Variants in CHST9 observed in about 807,000 individuals in gnomAD.
CHST9 encodes carbohydrate sulfotransferase 9, also known as GalNAc-4-sulfotransferase 2.
A neutral mutation model predicts 44.4 loss-of-function variants in CHST9; 41 were observed. The ratio of observed to expected loss-of-function variants is 0.92; its 90% CI spans 0.72 to 1.20. CHST9 has a LOEUF of 1.20. Among genes scored for constraint, CHST9 ranks in the 50% most tolerant of loss-of-function variants. The pLI is 0.00. For synonymous variants in CHST9, 171 were observed against 178.4 expected (o/e 0.96, Z 0.33); for missense variants, 504 against 516.5 (o/e 0.98, Z 0.23).
intron 4 of CHST9, among the ~76,000 whole-genome samples, chr18:27,008,125 C>G (rs1043557755): frequency 1.3e-5 from 2 of 152,082 alleles, no homozygotes; most frequent in African/African-American, 4.8e-5. Flanking sequence ...GTCCACTCCT[C>G]CCTTGTAACA....
At chr18:26,992,672 T>C (rs1414870036) in intron 4 of CHST9, among the ~76,000 whole-genome samples, 3 of 152,172 alleles carry the variant, frequency 2.0e-5, no homozygotes, top group South Asian at 2.1e-4. Context: ...TCAGACCTTA[T>C]ATTTGGTATT....
chr18:27,048,346 A>G (rs1047925542), intron 3 of CHST9, 119 bp downstream of exon 3: 6 of 695,204 alleles, frequency 8.6e-6, no homozygotes, highest in Non-Finnish European at 1.4e-5. Context: ...AATATCGATC[A>G]GTTCAAAAAC....
At chr18:27,173,268 G>C (rs188377851) in intron 1 of CHST9, among the ~76,000 whole-genome samples, 2 of 152,114 alleles carry the variant, frequency 1.3e-5, no homozygotes, top group African/African-American at 4.8e-5. Flanking sequence ...AGCACTAACA[G>C]TGCTTGCCAG....
intron 5 of CHST9, among the ~76,000 whole-genome samples, chr18:26,920,954 G>A (rs2055640298): frequency 6.6e-6 from 1 of 152,120 alleles, no homozygotes; most frequent in Non-Finnish European, 1.5e-5. Flanking sequence ...AGGCCTTACT[G>A]CAGACATCCT....
intron 4 of CHST9, among the ~76,000 whole-genome samples, chr18:26,983,976 C>T (rs2056724237): frequency 6.6e-6 from 1 of 152,204 alleles, no homozygotes; most frequent in Non-Finnish European, 1.5e-5. Context: ...CCCCTCTTCA[C>T]TCCCACATTC....
At chr18:26,927,150 C>T (rs147701142) in intron 5 of CHST9, among the ~76,000 whole-genome samples, 249 of 152,276 alleles carry the variant, frequency 1.6e-3, no homozygotes, top group African/African-American at 5.8e-3. Context: ...AGTTCTTCTT[C>T]TTGTTCTCTG....
At chr18:27,137,223 T>C (rs2058521137) in intron 2 of CHST9, among the ~76,000 whole-genome samples, 1 of 151,136 alleles carries the variant, frequency 6.6e-6, no homozygotes, top group Non-Finnish European at 1.5e-5. Context: ...ATTTATTATT[T>C]ATTAATTATA....
chr18:27,181,321 G>T (rs754624737), intron 1 of CHST9, among the ~76,000 whole-genome samples: 2 of 152,164 alleles, frequency 1.3e-5, no homozygotes, highest in East Asian at 1.9e-4. Context: ...AACCCATTTT[G>T]CCCTAGAGCT....
At chr18:27,044,066 C>CA (rs138736090) in intron 3 of CHST9, among the ~76,000 whole-genome samples, 6 of 151,672 alleles carry the variant, frequency 4.0e-5, no homozygotes, top group Non-Finnish European at 5.9e-5. Context: ...CCCTTCCCCC[C>CA]CCTTTATTTT....
rs141847978 is a variant in CHST9 at position 27,136,371 on chromosome 18, C to T, written c.121+6318G>A. ...AGGAATGTGGTGTGGTCTGGAAGCA[C>T]GGAGTGTCATTCTGCACCTGGAGTG... On this transcript the variant is annotated intron_variant, in intron 2 of 5. Coordinates refer to ENST00000618847, the MANE Select transcript of CHST9 (RefSeq NM_031422.6). 1.2e-3 allele frequency among the ~76,000 whole-genome samples: 187 copies of T among 152,266 alleles called. 1 individual carries two copies. Among genetic ancestry groups the T allele is most frequent in the Middle Eastern group, 3.4e-3 (1 of 294 alleles).
At chr18:27,126,471 A>G (rs779383836) in intron 2 of CHST9, among the ~76,000 whole-genome samples, 1 of 152,156 alleles carries the variant, frequency 6.6e-6, no homozygotes, top group Non-Finnish European at 1.5e-5. Flanking sequence ...AATAGAGAGC[A>G]CAAGGGAGAG....
At chr18:27,137,755 G>A (rs1326173786) in intron 2 of CHST9, among the ~76,000 whole-genome samples, 2 of 152,194 alleles carry the variant, frequency 1.3e-5, no homozygotes, top group Admixed American at 6.5e-5. Flanking sequence ...TGTCGTTAGA[G>A]GGTCTCAAAG....
At chr18:27,073,490 A>G (rs1382352889) in intron 2 of CHST9, among the ~76,000 whole-genome samples, 1 of 151,898 alleles carries the variant, frequency 6.6e-6, no homozygotes, top group Non-Finnish European at 1.5e-5. Context: ...GTAAAACACT[A>G]TGTGACACAC....
intron 2 of CHST9, among the ~76,000 whole-genome samples, chr18:27,133,388 G>C (rs2058488175): frequency 6.6e-6 from 1 of 152,128 alleles, no homozygotes; most frequent in East Asian, 1.9e-4. Context: ...TTCACTTCTG[G>C]GGTATCGGGC....
chr18:27,131,464 T>C (rs530798831), intron 2 of CHST9, among the ~76,000 whole-genome samples: 1 of 152,294 alleles, frequency 6.6e-6, no homozygotes, highest in East Asian at 1.9e-4. Context: ...GGCAGGAGAA[T>C]TGCTTGAACC....
chr18:26,919,378 G>C (rs2055603165), intron 5 of CHST9, among the ~76,000 whole-genome samples: 1 of 152,170 alleles, frequency 6.6e-6, no homozygotes, highest in African/African-American at 2.4e-5. Context: ...TCAGTGATTT[G>C]TAGTACATAA....
At chr18:27,081,241 GA>G (rs1331646953) in intron 2 of CHST9, among the ~76,000 whole-genome samples, 1 of 152,090 alleles carries the variant, frequency 6.6e-6, no homozygotes, top group Non-Finnish European at 1.5e-5. Flanking sequence ...AGCTACTCAG[GA>G]AGCTAAGGTG....
At chr18:26,969,616 A>C (rs2056515653) in intron 4 of CHST9, among the ~76,000 whole-genome samples, 1 of 152,192 alleles carries the variant, frequency 6.6e-6, no homozygotes. Context: ...CTGAGCTTAC[A>C]TTAGAGAGTT....
At chr18:26,953,401 T>C (rs1274915664) in intron 4 of CHST9, among the ~76,000 whole-genome samples, 2 of 152,084 alleles carry the variant, frequency 1.3e-5, no homozygotes, top group African/African-American at 2.4e-5. Flanking sequence ...GATAGACAAT[T>C]TGGGGGGCAA....
Sources: gnomAD v4.1 joint callset for allele counts (sites outside exome capture counted in the v4.1 genomes callset) on GRCh38, gnomAD v4.1.1 for gene constraint, MANE v1.5 for transcripts, NCBI Gene and HGNC (gene_info 2026-07-23, HGNC 2026-07-21) for gene names.